The following CGGBP1 variants were observed in gnomAD, a reference collection of about 807,000 sequenced individuals.
CGGBP1 encodes CGG triplet repeat binding protein 1.
CGGBP1 carries 4 observed loss-of-function variants against 11.4 expected under a neutral mutation model. That is an observed-to-expected ratio of 0.35 (90% confidence interval 0.17 to 0.80). CGGBP1 has a LOEUF of 0.80. CGGBP1 is among the 30% of genes least tolerant of loss of function. The pLI is 0.52. For synonymous variants in CGGBP1, 76 were observed against 74.1 expected (o/e 1.03, Z -0.13); for missense variants, 135 against 202.1 (o/e 0.67, Z 2.01).
chr3:88,106,758 G>C (rs1424225099), intron 2 of CGGBP1, among the ~76,000 whole-genome samples: 1 of 152,070 alleles, frequency 6.6e-6, no homozygotes, highest in Admixed American at 6.6e-5. Context: ...TATTGCTTCT[G>C]AGTTTCTTAT....
intron 2 of CGGBP1, chr3:88,112,965 CATA>C: frequency 1.9e-6 from 1 of 533,026 alleles, no homozygotes; most frequent in South Asian, 2.8e-5. Context: ...TTACAGAAAA[CATA>C]ATATGAATTC....
chr3:88,121,492 C>T (rs1705765555), intron 2 of CGGBP1, among the ~76,000 whole-genome samples: 1 of 152,012 alleles, frequency 6.6e-6, no homozygotes, highest in Admixed American at 6.6e-5. Context: ...TTATAACTGT[C>T]CCCTTTATTT....
At chr3:88,086,391 T>C (rs1352468853) in intron 2 of CGGBP1, 3 of 1,531,472 alleles carry the variant, frequency 2.0e-6, no homozygotes, top group East Asian at 4.9e-5. Context: ...ATGTTTTGAG[T>C]AGCCTTGCTG....
intron 2 of CGGBP1, among the ~76,000 whole-genome samples, chr3:88,110,401 A>G (rs1705016733): frequency 6.6e-6 from 1 of 152,232 alleles, no homozygotes; most frequent in Non-Finnish European, 1.5e-5. Flanking sequence ...ATGTAAATAA[A>G]TGCATATGAC....
chr3:88,075,518 T>C (rs1333996671), intron 2 of CGGBP1, among the ~76,000 whole-genome samples: 3 of 152,240 alleles, frequency 2.0e-5, no homozygotes, highest in Non-Finnish European at 4.4e-5. Context: ...TCTGTGCTTT[T>C]AGGAGCCCAG....
chr3:88,122,878 T>TG (rs1705856536), intron 2 of CGGBP1, among the ~76,000 whole-genome samples: 1 of 151,448 alleles, frequency 6.6e-6, no homozygotes. Flanking sequence ...GGCATGGTGG[T>TG]GGGCGCCTGT....
At chr3:88,079,071 C>T (rs77621134) in intron 2 of CGGBP1, among the ~76,000 whole-genome samples, 4,456 of 151,838 alleles carry the variant, frequency 0.029, 202 homozygotes, top group African/African-American at 0.097. Flanking sequence ...ACAGTTATAC[C>T]GTAAAAAATC....
At chr3:88,110,095 C>T (rs1414802410) in intron 2 of CGGBP1, among the ~76,000 whole-genome samples, 1 of 152,046 alleles carries the variant, frequency 6.6e-6, no homozygotes, top group Non-Finnish European at 1.5e-5. Context: ...AATGGTTGTA[C>T]TATGTTATTA....
chr3:88,094,226 T>G (rs540935930), intron 2 of CGGBP1, among the ~76,000 whole-genome samples: 1 of 152,216 alleles, frequency 6.6e-6, no homozygotes, highest in African/African-American at 2.4e-5. Flanking sequence ...GTAGCTAAAG[T>G]CAATATTAAA....
In CGGBP1 at chr3:88,126,108, G is replaced by A. The variant is rs1004074573; in HGVS notation, c.-229+14862C>T. On this transcript the variant is annotated intron_variant, in intron 2 of 3. Transcript: ENST00000462901. ...AGTTTTTAACCCCTTTAAATTCACA[G>A]AGCCAAAATGATTTTTCTCTCCTAG... is the stretch of plus-strand genomic sequence containing the variant. 5.5e-6 allele frequency: 8 copies of A among 1,449,394 alleles called. No individual in the cohort carries two copies. In the African/African-American group the frequency reaches 9.9e-5, roughly 18 times the overall value. The allele number at this position is 1,449,394 out of a possible 1,614,324, so 89.8% of individuals were successfully genotyped here.
chr3:88,095,026 C>G (rs1337428662), intron 2 of CGGBP1, among the ~76,000 whole-genome samples: 1 of 152,034 alleles, frequency 6.6e-6, no homozygotes, highest in Admixed American at 6.6e-5. Flanking sequence ...GTATAAGAAG[C>G]AATGAACAGA....
chr3:88,100,751 A>G (rs1704366898), intron 2 of CGGBP1, among the ~76,000 whole-genome samples: 1 of 152,054 alleles, frequency 6.6e-6, no homozygotes, highest in African/African-American at 2.4e-5. Flanking sequence ...ATAGGTGGGA[A>G]TTGAACAATG....
upstream of CGGBP1, among the ~76,000 whole-genome samples, chr3:88,059,984 C>T (rs1344155960): frequency 6.6e-6 from 1 of 151,976 alleles, no homozygotes; most frequent in African/African-American, 2.4e-5. Flanking sequence ...TGCCACTGTT[C>T]CCCCTCTTCT....
At chr3:88,136,769 C>T (rs1342464587) in intron 2 of CGGBP1, among the ~76,000 whole-genome samples, 1 of 152,072 alleles carries the variant, frequency 6.6e-6, no homozygotes, top group Non-Finnish European at 1.5e-5. Context: ...TTTCATTGAA[C>T]AAATTGAAAA....
At chr3:88,128,805 A>G in intron 2 of CGGBP1, 1 of 1,528,472 alleles carries the variant, frequency 6.5e-7, no homozygotes, top group East Asian at 2.4e-5. Flanking sequence ...TCTTTTTAAT[A>G]TAGTGAACAA....
intron 2 of CGGBP1, among the ~76,000 whole-genome samples, chr3:88,089,148 A>C (rs928602435): frequency 6.6e-6 from 1 of 150,992 alleles, no homozygotes; most frequent in Non-Finnish European, 1.5e-5. Flanking sequence ...TTGTATTTGA[A>C]CTTTTTGATT....
At chr3:88,085,712 A>G (rs574507221) in intron 2 of CGGBP1, among the ~76,000 whole-genome samples, 2 of 152,314 alleles carry the variant, frequency 1.3e-5, no homozygotes, top group East Asian at 3.9e-4. Context: ...ACCCAGATTC[A>G]TAAAACTAGT....
chr3:88,095,832 TG>T, intron 2 of CGGBP1: 1 of 457,382 alleles, frequency 2.2e-6, no homozygotes, highest in Non-Finnish European at 4.2e-6. Context: ...CCAAGTATTG[TG>T]CTCCTCAGAA....
At chr3:88,069,964 G>GT (rs545636141) in intron 2 of CGGBP1, among the ~76,000 whole-genome samples, 14 of 152,014 alleles carry the variant, frequency 9.2e-5, no homozygotes, top group Non-Finnish European at 5.9e-5. Context: ...CAATGGATGT[G>GT]TTTTTTTGGC....
Sources: allele counts gnomAD v4.1 joint callset (sites outside exome capture counted in the v4.1 genomes callset), GRCh38; gene constraint gnomAD v4.1.1; transcripts MANE v1.5; gene names NCBI Gene and HGNC (gene_info 2026-07-23, HGNC 2026-07-21).